The following UNC13C variants were observed in gnomAD, a reference collection of about 807,000 sequenced individuals.
The protein encoded by UNC13C is unc-13 homolog C, also known as protein unc-13 homolog C.
In UNC13C, 174 loss-of-function variants were observed where a neutral mutation model predicts 245.4. The observed-to-expected ratio is 0.71, with a 90% CI of 0.63 to 0.80. The LOEUF (loss-of-function observed/expected upper bound fraction) is 0.80, where lower values mean the gene tolerates loss of function less well. Ranked by LOEUF, UNC13C falls within the 30% of genes least tolerant of loss-of-function variation. The pLI, the probability that UNC13C is intolerant of heterozygous loss-of-function variation, is 0.00. For missense variants in UNC13C, 2,829 were observed against 2,602.9 expected, an observed-to-expected ratio of 1.09 and a Z score of -1.89; for synonymous variants, 992 against 895.1, an observed-to-expected ratio of 1.11 and a Z score of -1.93.
chr15:53,992,268 A>C (rs529750220), intron 1 of UNC13C, among the ~76,000 whole-genome samples: 26 of 151,870 alleles, frequency 1.7e-4, no homozygotes, highest in Non-Finnish European at 3.4e-4. Context: ...CCCAATTCCT[A>C]CTTGTGCATA....
chr15:54,549,786 C>A (rs1896653990), intron 28 of UNC13C, 95 bp downstream of exon 28: 2 of 768,608 alleles, frequency 2.6e-6, no homozygotes, highest in Non-Finnish European at 4.2e-6. Context: ...TCTAGCATGG[C>A]AGGATTAAGA....
At chr15:53,973,151 A>G in the UNC13C span, among the ~76,000 whole-genome samples, 1 of 152,112 alleles carries the variant, frequency 6.6e-6, no homozygotes, top group Non-Finnish European at 1.5e-5. Context: ...AAGTAGTGGA[A>G]CTCTGAATCA....
intron 1 of UNC13C, among the ~76,000 whole-genome samples, chr15:54,000,641 A>C (rs1246698935): frequency 2.0e-5 from 3 of 152,170 alleles, no homozygotes. Flanking sequence ...TACTAAACCC[A>C]GTGTGTTGCT....
chr15:53,933,752 C>T, the UNC13C span, among the ~76,000 whole-genome samples: 2 of 152,332 alleles, frequency 1.3e-5, no homozygotes, highest in South Asian at 4.1e-4. Context: ...CCTTGTCTAT[C>T]TGGTGACCAT....
In UNC13C at chr15:54,013,690, C is replaced by A. The variant is rs1223831881; in HGVS notation, c.787C>A (p.Leu263Ile). ...TCAGATTGAAACAGAACTTTCTGAA[C>A]TACGAGGGCACGTCAATGCTCTCAA... The part of the protein sequence containing the change: ...ISQIETELSE[L>I]RGHVNALKHS... The change falls in exon 2 of 33, where the codon CTA (leucine) becomes ATA (isoleucine). Residue 263 changes from leucine to isoleucine, a missense_variant. By Grantham distance (5) the Leu-to-Ile change is conservative. Coordinates refer to ENST00000260323, the MANE Select transcript of UNC13C (RefSeq NM_001080534.3). 1 of 1,613,674 alleles carries A rather than the reference C, an allele frequency of 6.2e-7. No individual in the cohort carries two copies. The highest frequency in any genetic ancestry group is 2.2e-5 in the East Asian group (1 of 44,856).
chr15:53,869,086 G>A, the UNC13C span, among the ~76,000 whole-genome samples: 1 of 152,158 alleles, frequency 6.6e-6, no homozygotes, highest in Non-Finnish European at 1.5e-5. Context: ...TCCAGTATGG[G>A]AGACAAAGAC....
chr15:54,320,680 T>C, intron 13 of UNC13C: 1 of 335,646 alleles, frequency 3.0e-6, no homozygotes, highest in East Asian at 8.3e-5. Flanking sequence ...CCTTGTCACT[T>C]CTCTGGCTCT....
At chr15:53,965,535 T>C in the UNC13C span, among the ~76,000 whole-genome samples, 1 of 136,502 alleles carries the variant, frequency 7.3e-6, no homozygotes, top group South Asian at 2.2e-4. Flanking sequence ...TTTCTTTTTT[T>C]TCCCTTATTT....
intron 22 of UNC13C, 118 bp from the exon 23 acceptor site, chr15:54,506,999 A>G (rs1209155698): frequency 4.9e-6 from 3 of 612,250 alleles, no homozygotes; most frequent in African/African-American, 3.7e-5. Context: ...TAGAGGGAGA[A>G]AAAAATGTAG....
At chr15:53,873,045 G>A in the UNC13C span, among the ~76,000 whole-genome samples, 1 of 152,096 alleles carries the variant, frequency 6.6e-6, no homozygotes, top group South Asian at 2.1e-4. Flanking sequence ...TTCAGGATGG[G>A]AAGATATTCC....
intron 18 of UNC13C, among the ~76,000 whole-genome samples, chr15:54,402,504 T>C (rs559773879): frequency 6.6e-6 from 1 of 152,144 alleles, no homozygotes; most frequent in Non-Finnish European, 1.5e-5. Flanking sequence ...TTTTCAAGGT[T>C]TGTCATGCTT....
chr15:54,501,219 T>G (rs1894195660), intron 22 of UNC13C, among the ~76,000 whole-genome samples: 1 of 152,274 alleles, frequency 6.6e-6, no homozygotes. Context: ...TTACTTATAA[T>G]CGAAGAAATT....
At chr15:53,871,674 C>G in the UNC13C span, among the ~76,000 whole-genome samples, 1 of 152,122 alleles carries the variant, frequency 6.6e-6, no homozygotes, top group Non-Finnish European at 1.5e-5. Flanking sequence ...CAGGAGACTC[C>G]CTAGATAGCC....
the UNC13C span, among the ~76,000 whole-genome samples, chr15:53,924,122 G>A: frequency 1.1e-4 from 16 of 152,170 alleles, no homozygotes; most frequent in Middle Eastern, 3.4e-3. Flanking sequence ...CAGGAGTATC[G>A]CTTGAACCCA....
intron 4 of UNC13C, among the ~76,000 whole-genome samples, chr15:54,228,419 A>T (rs529231139): frequency 6.6e-6 from 1 of 152,028 alleles, no homozygotes; most frequent in Non-Finnish European, 1.5e-5. Context: ...CTCAAGCAGA[A>T]TGGGTCTCTC....
At chr15:53,998,700 G>A (rs1894746505) in intron 1 of UNC13C, among the ~76,000 whole-genome samples, 1 of 152,084 alleles carries the variant, frequency 6.6e-6, no homozygotes, top group Non-Finnish European at 1.5e-5. Context: ...CTATCTAAGA[G>A]AAAGCATTAA....
intron 1 of UNC13C, among the ~76,000 whole-genome samples, chr15:53,981,641 A>T (rs373852089): frequency 7.9e-5 from 12 of 152,304 alleles, no homozygotes; most frequent in Admixed American, 5.9e-4. Flanking sequence ...GGATTTATTA[A>T]TAGCCCTCTC....
At chr15:53,862,215 G>C in the UNC13C span, among the ~76,000 whole-genome samples, 4 of 152,086 alleles carry the variant, frequency 2.6e-5, no homozygotes, top group Non-Finnish European at 5.9e-5. Context: ...CCAGCTGCTT[G>C]TTCTCGTGGT....
intron 18 of UNC13C, among the ~76,000 whole-genome samples, chr15:54,405,133 A>G (rs1435692438): frequency 6.6e-6 from 1 of 152,138 alleles, no homozygotes; most frequent in African/African-American, 2.4e-5. Context: ...ATTTACATGT[A>G]AAATCTCATT....
Sources: allele counts gnomAD v4.1 joint callset (sites outside exome capture counted in the v4.1 genomes callset), GRCh38; gene constraint gnomAD v4.1.1; transcripts MANE v1.5; gene names NCBI Gene and HGNC (gene_info 2026-07-23, HGNC 2026-07-21).